Variants in ATF7IP2 observed in about 807,000 individuals in gnomAD.
ATF7IP2 encodes the protein activating transcription factor 7 interacting protein 2.
Under a neutral mutation model 64.2 loss-of-function variants are expected in ATF7IP2, and 42 were observed. The ratio of observed to expected loss-of-function variants is 0.65; its 90% CI spans 0.51 to 0.85. The LOEUF (loss-of-function observed/expected upper bound fraction) is 0.85. Among genes scored for constraint, ATF7IP2 ranks in the 40% least tolerant of loss-of-function variants. The pLI, the probability that ATF7IP2 is intolerant of heterozygous loss-of-function variation, is 0.00. For missense variants in ATF7IP2, 933 were observed against 784.2 expected (o/e 1.19, Z -2.27); for synonymous variants, 308 against 272.8 (o/e 1.13, Z -1.27).
intron 1 of ATF7IP2, among the ~76,000 whole-genome samples, chr16:10,399,805 C>T (rs935550798): frequency 3.3e-5 from 5 of 152,128 alleles, no homozygotes; most frequent in African/African-American, 1.2e-4. Flanking sequence ...AATATTAATT[C>T]TCCTGATCAG....
intron 9 of ATF7IP2, among the ~76,000 whole-genome samples, chr16:10,461,026 G>T (rs951547620): frequency 2.0e-5 from 3 of 151,934 alleles, no homozygotes; most frequent in Admixed American, 6.6e-5. Context: ...AAGAAAAATG[G>T]GCAAAAGACT....
intron 12 of ATF7IP2, among the ~76,000 whole-genome samples, chr16:10,476,389 T>C (rs905472279): frequency 1.3e-5 from 2 of 152,206 alleles, no homozygotes; most frequent in African/African-American, 4.8e-5. Context: ...AAAATGGTTT[T>C]TACTGCTTAA....
intron 6 of ATF7IP2, among the ~76,000 whole-genome samples, chr16:10,436,670 T>C (rs2048430710): frequency 6.6e-6 from 1 of 152,144 alleles, no homozygotes; most frequent in Non-Finnish European, 1.5e-5. Flanking sequence ...TTGAGCATCA[T>C]GAAGCAAGAT....
chr16:10,467,704 C>T (rs1288909736), intron 9 of ATF7IP2, among the ~76,000 whole-genome samples: 1 of 150,496 alleles, frequency 6.6e-6, no homozygotes, highest in African/African-American at 2.4e-5. Flanking sequence ...GTAGAGCTCC[C>T]ACCACACCTG....
chr16:10,399,074 T>C (rs1295672431), intron 1 of ATF7IP2, among the ~76,000 whole-genome samples: 2 of 151,850 alleles, frequency 1.3e-5, no homozygotes, highest in Admixed American at 1.3e-4. Context: ...GATTGTGCCA[T>C]TGCACTCCAG....
At chr16:10,405,169 C>G (rs2047611129) in intron 1 of ATF7IP2, among the ~76,000 whole-genome samples, 2 of 151,572 alleles carry the variant, frequency 1.3e-5, no homozygotes, top group Admixed American at 1.3e-4. Flanking sequence ...TCAAGACCAG[C>G]CTGGCCAACA....
At chr16:10,429,905 T>C (rs1290930763) in intron 4 of ATF7IP2, among the ~76,000 whole-genome samples, 1 of 151,520 alleles carries the variant, frequency 6.6e-6, no homozygotes, top group East Asian at 1.9e-4. Flanking sequence ...CAAGCTGGAG[T>C]ACAGTGGCGC....
intron 8 of ATF7IP2, chr16:10,447,696 A>G (rs2048855344): frequency 6.6e-6 from 1 of 152,198 alleles, no homozygotes; most frequent in Admixed American, 6.5e-5. Context: ...AGCATTTAGA[A>G]TAGGACAAAG....
At chr16:10,457,685 G>A (rs2049227637) in intron 9 of ATF7IP2, 156 bp downstream of exon 9, 1 of 581,192 alleles carries the variant, frequency 1.7e-6, no homozygotes. Flanking sequence ...CTTCAGTTGT[G>A]GGGGTTTTTT....
intron 8 of ATF7IP2, among the ~76,000 whole-genome samples, chr16:10,442,329 A>C (rs572254755): frequency 6.6e-6 from 1 of 152,346 alleles, no homozygotes; most frequent in South Asian, 2.1e-4. Context: ...AACTTATCTA[A>C]CATGTCTTGA....
At chr16:10,473,192 G>A (rs953236063) in intron 10 of ATF7IP2, among the ~76,000 whole-genome samples, 5 of 152,120 alleles carry the variant, frequency 3.3e-5, no homozygotes, top group African/African-American at 1.2e-4. Flanking sequence ...AAAAGTGTGT[G>A]CATTTCCAGG....
intron 3 of ATF7IP2, among the ~76,000 whole-genome samples, chr16:10,420,839 C>T (rs1224454861): frequency 1.3e-5 from 2 of 152,168 alleles, no homozygotes; most frequent in Non-Finnish European, 2.9e-5. Flanking sequence ...GCTTTTTGAG[C>T]TGAAGTATAG....
At chr16:10,420,719 A>G (rs1241421085) in intron 3 of ATF7IP2, among the ~76,000 whole-genome samples, 1 of 152,248 alleles carries the variant, frequency 6.6e-6, no homozygotes, top group African/African-American at 2.4e-5. Flanking sequence ...TGAAATCGTA[A>G]CTGAGCATTT....
At chr16:10,429,396 G>A (rs948457032) in intron 4 of ATF7IP2, among the ~76,000 whole-genome samples, 3 of 152,246 alleles carry the variant, frequency 2.0e-5, no homozygotes, top group African/African-American at 7.2e-5. Flanking sequence ...TGTCATCCAG[G>A]CTGGAGTACA....
intron 9 of ATF7IP2, among the ~76,000 whole-genome samples, chr16:10,458,561 G>A (rs1405357987): frequency 2.0e-5 from 3 of 152,200 alleles, no homozygotes; most frequent in African/African-American, 4.8e-5. Context: ...CATGGTGAAT[G>A]TGCGGATAGG....
intron 8 of ATF7IP2, chr16:10,447,769 G>C (rs2048858210): frequency 6.6e-6 from 1 of 152,220 alleles, no homozygotes; most frequent in South Asian, 2.1e-4. Flanking sequence ...TCAGCTACAA[G>C]CTTGGTGGAT....
At chr16:10,438,051 C>G (rs761103765) in intron 6 of ATF7IP2, 50 bp from the exon 7 acceptor site, 2 of 1,422,484 alleles carry the variant, frequency 1.4e-6, no homozygotes, top group Non-Finnish European at 1.9e-6. Flanking sequence ...AGTAAAATTG[C>G]TTTTAAATTT....
intron 3 of ATF7IP2, among the ~76,000 whole-genome samples, chr16:10,423,217 CTGGG>C (rs1212095760): frequency 6.6e-6 from 1 of 152,120 alleles, no homozygotes; most frequent in Admixed American, 6.5e-5. Flanking sequence ...GCACTCCAGC[CTGGG>C]TGACAGAGTG....
intron 7 of ATF7IP2, among the ~76,000 whole-genome samples, chr16:10,438,842 CAA>C (rs1436332596): frequency 6.6e-6 from 1 of 152,064 alleles, no homozygotes; most frequent in African/African-American, 2.4e-5. Context: ...ATCACAAGGT[CAA>C]GAGATCGAGA....
Sources: allele counts gnomAD v4.1 joint callset (sites outside exome capture counted in the v4.1 genomes callset), GRCh38; gene constraint gnomAD v4.1.1; transcripts MANE v1.5; gene names NCBI Gene and HGNC (gene_info 2026-07-23, HGNC 2026-07-21).